Variants in MLIP observed in about 807,000 individuals in gnomAD.
The protein encoded by MLIP is muscular LMNA-interacting protein.
A neutral mutation model predicts 84.8 loss-of-function variants in MLIP; 79 were observed. That is an observed-to-expected ratio of 0.93 (90% confidence interval 0.78 to 1.12). The LOEUF (loss-of-function observed/expected upper bound fraction) is 1.12, where lower values mean the gene tolerates loss of function less well. Ranked by LOEUF, MLIP falls within the 50% of genes most tolerant of loss-of-function variation. The pLI is 0.00. For missense variants in MLIP, 1,257 were observed against 1,160.6 expected, an observed-to-expected ratio of 1.08 and a Z score of -1.21; for synonymous variants, 504 against 463.0, an observed-to-expected ratio of 1.09 and a Z score of -1.14.
intron 11 of MLIP, chr6:54,216,684 T>C (rs1256374941): frequency 4.1e-6 from 4 of 984,988 alleles, no homozygotes; most frequent in Non-Finnish European, 3.6e-6. Flanking sequence ...ATTTTCTTGG[T>C]TCAAATCAGG....
chr6:54,114,607 G>A (rs1769749176), intron 1 of MLIP, among the ~76,000 whole-genome samples: 2 of 152,034 alleles, frequency 1.3e-5, no homozygotes, highest in African/African-American at 4.8e-5. Flanking sequence ...TTTCTCCTAT[G>A]GGTTATTGCA....
intron 3 of MLIP, among the ~76,000 whole-genome samples, chr6:54,131,951 G>C (rs816371): frequency 0.18 from 27,576 of 152,080 alleles, 2,887 homozygotes; most frequent in African/African-American, 0.27. Context: ...TGGCTGGTTA[G>C]CTGTCTGGTG....
At chr6:54,103,493 A>G (rs1422855921) in intron 1 of MLIP, among the ~76,000 whole-genome samples, 1 of 152,170 alleles carries the variant, frequency 6.6e-6, no homozygotes, top group Non-Finnish European at 1.5e-5. Context: ...TTACACAGCT[A>G]GTAAGTGCAG....
intron 1 of MLIP, chr6:54,063,378 T>A (rs1161173298): frequency 6.6e-6 from 1 of 152,088 alleles, no homozygotes; most frequent in Non-Finnish European, 1.5e-5. Context: ...GGGGAGTATA[T>A]GTGTACTTGA....
intron 1 of MLIP, among the ~76,000 whole-genome samples, chr6:54,095,222 C>T (rs997254232): frequency 2.6e-5 from 4 of 152,160 alleles, no homozygotes; most frequent in East Asian, 1.9e-4. Context: ...CCACACAAAG[C>T]GAACTCACCT....
intron 9 of MLIP, among the ~76,000 whole-genome samples, chr6:54,178,291 C>T (rs1340582704): frequency 3.3e-5 from 2 of 59,744 alleles, no homozygotes; most frequent in East Asian, 4.0e-4. Flanking sequence ...TGATTTTATT[C>T]GTGTTTCTTC....
intron 13 of MLIP, among the ~76,000 whole-genome samples, chr6:54,263,538 G>T (rs1207811898): frequency 6.6e-6 from 1 of 151,884 alleles, no homozygotes; most frequent in Admixed American, 6.6e-5. Flanking sequence ...ATATTCACAA[G>T]AACACATGTG....
At chr6:54,149,803 C>A (rs746698453) in intron 5 of MLIP, among the ~76,000 whole-genome samples, 22 of 152,008 alleles carry the variant, frequency 1.4e-4, no homozygotes, top group Admixed American at 3.3e-4. Context: ...TAGGCTGTTA[C>A]ATAAGTAGGT....
At chr6:54,105,520 T>G (rs545829) in intron 1 of MLIP, among the ~76,000 whole-genome samples, 59,431 of 152,070 alleles carry the variant, frequency 0.39, 12,102 homozygotes, top group African/African-American at 0.5. Context: ...ACTACTCTAG[T>G]TGCTACAGAA....
intron 3 of MLIP, among the ~76,000 whole-genome samples, chr6:54,136,000 G>C (rs1472684548): frequency 2.0e-5 from 3 of 152,066 alleles, no homozygotes; most frequent in Admixed American, 6.6e-5. Flanking sequence ...GGCTTCTTTT[G>C]ACACAAAAGA....
intron 12 of MLIP, among the ~76,000 whole-genome samples, chr6:54,240,706 G>C (rs1047712801): frequency 6.6e-6 from 1 of 152,192 alleles, no homozygotes; most frequent in East Asian, 1.9e-4. Context: ...GCCGGGCACC[G>C]TGGCTCACGC....
chr6:54,173,497 C>T (rs1775973763), intron 9 of MLIP, among the ~76,000 whole-genome samples: 2 of 151,754 alleles, frequency 1.3e-5, no homozygotes, highest in Admixed American at 6.6e-5. Flanking sequence ...TAACTCATAT[C>T]AGATAAGGTA....
intron 12 of MLIP, among the ~76,000 whole-genome samples, chr6:54,234,586 A>G (rs1011366461): frequency 3.3e-5 from 5 of 152,152 alleles, no homozygotes; most frequent in Non-Finnish European, 5.9e-5. Flanking sequence ...AAAGTGGTCA[A>G]TAGCCACTAT....
chr6:54,203,356 G>T (rs1460019222), intron 11 of MLIP, among the ~76,000 whole-genome samples: 1 of 151,964 alleles, frequency 6.6e-6, no homozygotes, highest in East Asian at 1.9e-4. Flanking sequence ...GGACATGTAA[G>T]ATCATCATAT....
upstream of MLIP, among the ~76,000 whole-genome samples, chr6:54,107,314 G>T (rs1225997586): frequency 6.6e-6 from 1 of 152,190 alleles, no homozygotes; most frequent in Non-Finnish European, 1.5e-5. Flanking sequence ...ACTACTATAA[G>T]CAGTAATAAC....
chr6:54,150,866 A>G (rs1189961711), intron 5 of MLIP, among the ~76,000 whole-genome samples: 2 of 152,126 alleles, frequency 1.3e-5, no homozygotes, highest in African/African-American at 4.8e-5. Context: ...TTCCAATTTT[A>G]TTACAAACCC....
intron 9 of MLIP, among the ~76,000 whole-genome samples, chr6:54,176,852 A>G (rs1212032963): frequency 1.3e-5 from 2 of 152,132 alleles, no homozygotes; most frequent in African/African-American, 4.8e-5. Flanking sequence ...ACAAAAACAG[A>G]CACATAGACC....
rs771733866 is a variant in MLIP at position 54,124,684 on chromosome 6, G to C, written c.464G>C (p.Arg155Thr). 1.2e-6 allele frequency: 2 copies of C among 1,614,220 alleles called. No individual in the cohort carries two copies. Residue 155 changes from arginine (R) to threonine (T), a missense_variant, in exon 3 of 14, where the codon AGA becomes ACA. Arg to Thr is a moderately conservative substitution (Grantham distance 71, BLOSUM62 -1). Transcript: ENST00000502396. Reference sequence around the variant, plus strand: ...GAAGGGGAAGATGAGGCTGCAAGCAGAAAAGTTGAACAAGGCCCCCCAGGG... The same window carrying C: ...GAAGGGGAAGATGAGGCTGCAAGCACAAAAGTTGAACAAGGCCCCCCAGGG... ...DSEGEDEAASRKVEQGPPGGI... is the reference protein window; with the variant it reads ...DSEGEDEAASTKVEQGPPGGI...
intron 12 of MLIP, among the ~76,000 whole-genome samples, chr6:54,242,982 G>A (rs1440388991): frequency 6.6e-6 from 1 of 152,154 alleles, no homozygotes; most frequent in Non-Finnish European, 1.5e-5. Context: ...TATCTGTTAG[G>A]TGCAAAGCAC....
Sources: gnomAD v4.1 joint callset for allele counts (sites outside exome capture counted in the v4.1 genomes callset) on GRCh38, gnomAD v4.1.1 for gene constraint, MANE v1.5 for transcripts, NCBI Gene and HGNC (gene_info 2026-07-23, HGNC 2026-07-21) for gene names.